Variants in SHQ1 observed in about 807,000 individuals in gnomAD.
SHQ1 encodes SHQ1, H/ACA ribonucleoprotein assembly factor.
In SHQ1, 49 loss-of-function variants were observed where a neutral mutation model predicts 53.8. The ratio of observed to expected loss-of-function variants is 0.91; its 90% CI spans 0.72 to 1.16. The LOEUF is 1.16. Among genes scored for constraint, SHQ1 ranks in the 50% most tolerant of loss-of-function variants. The probability of loss-of-function intolerance (pLI) is 0.00; values close to 1 mark genes in which losing one functional copy is unlikely to be tolerated. For missense variants in SHQ1, 738 were observed against 683.1 expected (o/e 1.08, Z -0.90); for synonymous variants, 243 against 251.0 (o/e 0.97, Z 0.30).
chr3:72,730,554 G>C, the SHQ1 span, among the ~76,000 whole-genome samples: 3 of 152,198 alleles, frequency 2.0e-5, no homozygotes, highest in Admixed American at 1.3e-4. Flanking sequence ...AGGGCCATGT[G>C]ACTGTTATTG....
At chr3:72,798,092 A>AT (rs1706682257) in intron 9 of SHQ1, among the ~76,000 whole-genome samples, 1 of 152,364 alleles carries the variant, frequency 6.6e-6, no homozygotes, top group African/African-American at 2.4e-5. Flanking sequence ...CGATATGGGC[A>AT]TAAAAAAATG....
At chr3:72,826,036 G>GT (rs918039573) in intron 5 of SHQ1, among the ~76,000 whole-genome samples, 40 of 152,128 alleles carry the variant, frequency 2.6e-4, no homozygotes, top group African/African-American at 9.2e-4. Flanking sequence ...GAAAAGTTTT[G>GT]TATCTTGGCC....
intron 10 of SHQ1, among the ~76,000 whole-genome samples, chr3:72,775,146 T>A (rs913247982): frequency 1.3e-5 from 2 of 151,900 alleles, no homozygotes; most frequent in Non-Finnish European, 2.9e-5. Flanking sequence ...AATAATTTTT[T>A]AAAAATTAGC....
At chr3:72,839,489 A>G (rs1708095976) in intron 4 of SHQ1, among the ~76,000 whole-genome samples, 1 of 152,200 alleles carries the variant, frequency 6.6e-6, no homozygotes, top group African/African-American at 2.4e-5. Flanking sequence ...ATATTTTTCA[A>G]AGGCAGGAGT....
chr3:72,820,532 T>A (rs765641711), intron 6 of SHQ1, among the ~76,000 whole-genome samples: 5 of 152,170 alleles, frequency 3.3e-5, no homozygotes, highest in Non-Finnish European at 2.9e-5. Context: ...AAGGCCTTTT[T>A]TATTAGAGCT....
intron 9 of SHQ1, among the ~76,000 whole-genome samples, chr3:72,802,194 T>C (rs1019537060): frequency 2.0e-5 from 3 of 152,254 alleles, no homozygotes; most frequent in Non-Finnish European, 4.4e-5. Context: ...TACTGGTCCC[T>C]GCCCCACTAC....
Position 72,817,396 on chromosome 3 carries a change from C to A in SHQ1, c.728-12G>T. 1 of 1,593,686 alleles carries A rather than the reference C, an allele frequency of 6.3e-7. No homozygotes were observed. The highest frequency in any genetic ancestry group is 2.3e-5 in the East Asian group (1 of 44,230). On this transcript the variant is annotated splice_polypyrimidine_tract_variant and intron_variant, in intron 6 of 10. Transcript: ENST00000325599. ...TTCAGAAAAAGACACTAGAAGAAAA[C>A]GCATTTAAAAACTAGATGTTTCATT... is the stretch of plus-strand genomic sequence containing the variant.
At position 72,848,252 on chromosome 3, in the gene SHQ1, T is replaced by C; in HGVS notation, c.89A>G (p.Asp30Gly). Residue 30 changes from aspartate to glycine, a missense_variant, in exon 1 of 11, where the codon GAC (aspartate) becomes GGC (glycine). Physicochemically the swap from Asp to Gly is moderately conservative, Grantham distance 94. Coordinates refer to ENST00000325599, the MANE Select transcript of SHQ1 (RefSeq NM_018130.3). ...RVPYARVSEF[D>G]VYFEGSDFKF... ...GAAGTCAGACCCCTCGAAGTAGACG[T>C]CGAACTCGGAGACCCGGGCGTAGGG... The C allele has an allele frequency of 6.2e-7, 1 of 1,614,112 alleles. No individual in the cohort carries two copies. Among genetic ancestry groups the C allele is most frequent in the Non-Finnish European group, 8.5e-7 (1 of 1,180,030 alleles).
At chr3:72,751,069 G>C (rs1227433918) in intron 10 of SHQ1, among the ~76,000 whole-genome samples, 2 of 152,096 alleles carry the variant, frequency 1.3e-5, no homozygotes, top group African/African-American at 4.8e-5. Context: ...TTCTAACTAT[G>C]ACTCAAAATT....
chr3:72,838,171 G>A (rs1481461019), intron 4 of SHQ1, among the ~76,000 whole-genome samples: 1 of 152,186 alleles, frequency 6.6e-6, no homozygotes, highest in Non-Finnish European at 1.5e-5. Context: ...TACACTAAGT[G>A]GGATTTAAAA....
At chr3:72,761,505 A>G (rs1705608474) in intron 10 of SHQ1, among the ~76,000 whole-genome samples, 1 of 152,214 alleles carries the variant, frequency 6.6e-6, no homozygotes, top group African/African-American at 2.4e-5. Flanking sequence ...TTTGAATAAT[A>G]TAGTCAAATC....
intron 9 of SHQ1, chr3:72,795,545 CCA>C (rs1389600102): frequency 8.5e-5 from 13 of 152,178 alleles, no homozygotes; most frequent in Admixed American, 8.5e-4. Flanking sequence ...GTTTTAATTG[CCA>C]CAGAGAAGAC....
At chr3:72,741,173 C>G in the SHQ1 span, among the ~76,000 whole-genome samples, 1 of 152,212 alleles carries the variant, frequency 6.6e-6, no homozygotes, top group African/African-American at 2.4e-5. Flanking sequence ...TCCAGGCCAG[C>G]TGACCCCACA....
intron 9 of SHQ1, among the ~76,000 whole-genome samples, chr3:72,812,384 T>C (rs892132937): frequency 6.6e-6 from 1 of 152,184 alleles, no homozygotes; most frequent in African/African-American, 2.4e-5. Context: ...AGCCAAGAAA[T>C]ACTGAATGAT....
At chr3:72,813,604 C>A (rs9858629) in intron 8 of SHQ1, among the ~76,000 whole-genome samples, 67,474 of 151,034 alleles carry the variant, frequency 0.45, 19,745 homozygotes, top group African/African-American at 0.84. Flanking sequence ...TCTACTAAAA[C>A]TACAAAATTA....
intron 10 of SHQ1, chr3:72,773,483 T>TAAA (rs1363682251): frequency 3.9e-5 from 6 of 154,958 alleles, no homozygotes; most frequent in South Asian, 2.3e-4. Flanking sequence ...AAAGACAGCT[T>TAAA]AAAAAAAAAA....
chr3:72,791,241 G>T (rs1291511845), intron 10 of SHQ1, among the ~76,000 whole-genome samples: 2 of 152,116 alleles, frequency 1.3e-5, no homozygotes, highest in African/African-American at 4.8e-5. Context: ...ATTTTATTAT[G>T]AAAATGAAAG....
At chr3:72,845,864 C>T (rs1206890713) in intron 1 of SHQ1, among the ~76,000 whole-genome samples, 17 of 152,142 alleles carry the variant, frequency 1.1e-4, no homozygotes, top group Admixed American at 1.1e-3. Context: ...CCCTCTAAGC[C>T]AGAATAAGGG....
intron 4 of SHQ1, among the ~76,000 whole-genome samples, chr3:72,837,861 T>G (rs1292712094): frequency 1.3e-5 from 2 of 152,226 alleles, no homozygotes; most frequent in African/African-American, 4.8e-5. Context: ...ATTAACCAAT[T>G]ATGCAAGATT....
Sources: allele counts gnomAD v4.1 joint callset (sites outside exome capture counted in the v4.1 genomes callset), GRCh38; gene constraint gnomAD v4.1.1; transcripts MANE v1.5; gene names NCBI Gene and HGNC (gene_info 2026-07-23, HGNC 2026-07-21).